The following TNFAIP8 variants were observed in gnomAD, a reference collection of about 807,000 sequenced individuals.
The protein encoded by TNFAIP8 is tumor necrosis factor alpha-induced protein 8.
TNFAIP8 carries 7 observed loss-of-function variants against 13.3 expected under a neutral mutation model. The observed-to-expected ratio is 0.52, with a 90% CI of 0.30 to 0.99. TNFAIP8 has a LOEUF of 0.99. TNFAIP8 is among the 50% of genes least tolerant of loss of function. TNFAIP8 has a pLI of 0.07. For synonymous variants in TNFAIP8, 94 were observed against 87.6 expected (o/e 1.07, Z -0.41); for missense variants, 258 against 236.9 (o/e 1.09, Z -0.58).
intron 1 of TNFAIP8, among the ~76,000 whole-genome samples, chr5:119,362,625 C>CCA: frequency 6.6e-6 from 1 of 151,818 alleles, no homozygotes; most frequent in East Asian, 1.9e-4. Flanking sequence ...GTGAGACCCC[C>CCA]CATCTCTACA....
intron 1 of TNFAIP8, among the ~76,000 whole-genome samples, chr5:119,280,015 A>ATTTTCTTAAT (rs766612605): frequency 7.2e-4 from 109 of 152,274 alleles, no homozygotes; most frequent in Non-Finnish European, 1.4e-3. Flanking sequence ...TACTGTGCTG[A>ATTTTCTTAAT]TATGCCTAGA....
chr5:119,332,926 G>C (rs1750429070), intron 1 of TNFAIP8, among the ~76,000 whole-genome samples: 1 of 152,184 alleles, frequency 6.6e-6, no homozygotes, highest in African/African-American at 2.4e-5. Flanking sequence ...GCAAAAGGCT[G>C]ATGATTTTAA....
At chr5:119,378,205 C>T (rs1024298232) in intron 1 of TNFAIP8, among the ~76,000 whole-genome samples, 4 of 152,126 alleles carry the variant, frequency 2.6e-5, no homozygotes, top group Non-Finnish European at 5.9e-5. Context: ...CTAAATAAAA[C>T]GGGGATGCCT....
intron 1 of TNFAIP8, among the ~76,000 whole-genome samples, chr5:119,386,206 A>T (rs895413686): frequency 6.6e-6 from 1 of 152,234 alleles, no homozygotes; most frequent in African/African-American, 2.4e-5. Context: ...GGATAAATTC[A>T]TGACTCTCAT....
intron 1 of TNFAIP8, among the ~76,000 whole-genome samples, chr5:119,379,145 A>T (rs555668066): frequency 1.2e-4 from 19 of 152,230 alleles, no homozygotes; most frequent in African/African-American, 4.6e-4. Flanking sequence ...AAATTCATTT[A>T]TTAAGCTCTA....
intron 1 of TNFAIP8, among the ~76,000 whole-genome samples, chr5:119,368,651 G>A (rs32655): frequency 0.39 from 58,711 of 152,024 alleles, 11,646 homozygotes; most frequent in South Asian, 0.52. Context: ...CTGTGCCAGG[G>A]AAAGATGATT....
chr5:119,384,058 C>A (rs577939329), intron 1 of TNFAIP8, among the ~76,000 whole-genome samples: 49 of 152,318 alleles, frequency 3.2e-4, no homozygotes, highest in African/African-American at 1.1e-3. Flanking sequence ...TTGGACATAT[C>A]TGAGTTCAAG....
chr5:119,370,281 A>G (rs1217619971), intron 1 of TNFAIP8, among the ~76,000 whole-genome samples: 1 of 152,224 alleles, frequency 6.6e-6, no homozygotes, highest in Admixed American at 6.5e-5. Flanking sequence ...CAGCAGAAAG[A>G]TTGGAGAAGA....
At chr5:119,293,481 T>C (rs975431432) in intron 1 of TNFAIP8, among the ~76,000 whole-genome samples, 2 of 152,210 alleles carry the variant, frequency 1.3e-5, no homozygotes, top group South Asian at 4.1e-4. Flanking sequence ...TCACTTAATA[T>C]AATGTTCTCC....
intron 1 of TNFAIP8, among the ~76,000 whole-genome samples, chr5:119,368,336 G>A (rs1480729039): frequency 6.7e-6 from 1 of 149,204 alleles, no homozygotes; most frequent in Admixed American, 6.6e-5. Context: ...TACTTTTTTT[G>A]CTATCTCCCG....
At chr5:119,383,476 T>A (rs1417347661) in intron 1 of TNFAIP8, among the ~76,000 whole-genome samples, 4 of 152,214 alleles carry the variant, frequency 2.6e-5, no homozygotes, top group African/African-American at 9.7e-5. Flanking sequence ...ACTGATAATG[T>A]GTGTGTGGGA....
chr5:119,341,810 T>G (rs953856044), intron 1 of TNFAIP8, among the ~76,000 whole-genome samples: 1 of 152,214 alleles, frequency 6.6e-6, no homozygotes. Context: ...TAAAAAAATT[T>G]GCATCACTGA....
At chr5:119,365,541 G>GA in intron 1 of TNFAIP8, among the ~76,000 whole-genome samples, 1 of 152,168 alleles carries the variant, frequency 6.6e-6, no homozygotes, top group East Asian at 1.9e-4. Flanking sequence ...CCAAAAGACA[G>GA]AACCCTGCCC....
intron 1 of TNFAIP8, among the ~76,000 whole-genome samples, chr5:119,276,643 G>A (rs1475641635): frequency 2.6e-5 from 4 of 152,122 alleles, no homozygotes; most frequent in African/African-American, 4.8e-5. Flanking sequence ...CATTTCTGCT[G>A]TATTCTCACA....
At chr5:119,378,497 A>G (rs1347438556) in intron 1 of TNFAIP8, among the ~76,000 whole-genome samples, 2 of 152,186 alleles carry the variant, frequency 1.3e-5, no homozygotes, top group African/African-American at 4.8e-5. Context: ...TTGAGGAAAA[A>G]TTGTGACAAG....
chr5:119,333,313 AG>A (rs1750442037), intron 1 of TNFAIP8: 2 of 1,197,268 alleles, frequency 1.7e-6, no homozygotes, highest in South Asian at 5.8e-5. Flanking sequence ...TCACAATTAA[AG>A]GCTACCTAAT....
At chr5:119,319,878 T>A (rs888897975) in intron 1 of TNFAIP8, among the ~76,000 whole-genome samples, 1 of 152,196 alleles carries the variant, frequency 6.6e-6, no homozygotes, top group Non-Finnish European at 1.5e-5. Flanking sequence ...GAGTTACTAG[T>A]TTTCGTTTGT....
intron 1 of TNFAIP8, among the ~76,000 whole-genome samples, chr5:119,339,739 A>G (rs539090667): frequency 6.6e-6 from 1 of 152,316 alleles, no homozygotes; most frequent in East Asian, 1.9e-4. Flanking sequence ...CAGCTCTTCA[A>G]TCTATGGTAA....
intron 1 of TNFAIP8, among the ~76,000 whole-genome samples, chr5:119,383,914 C>T (rs1419348798): frequency 6.6e-6 from 1 of 152,122 alleles, no homozygotes; most frequent in Non-Finnish European, 1.5e-5. Flanking sequence ...CTGTTTCTTC[C>T]CTGCAGGGAG....
Sources: allele counts gnomAD v4.1 joint callset (sites outside exome capture counted in the v4.1 genomes callset), GRCh38; gene constraint gnomAD v4.1.1; transcripts MANE v1.5; gene names NCBI Gene and HGNC (gene_info 2026-07-23, HGNC 2026-07-21).